The following INTS8 variants were observed in gnomAD, a reference collection of about 807,000 sequenced individuals.
The protein encoded by INTS8 is integrator complex subunit 8, also known as protein kaonashi-1.
A neutral mutation model predicts 138.9 loss-of-function variants in INTS8; 47 were observed. That is an observed-to-expected ratio of 0.34 (90% CI 0.27 to 0.43). INTS8 has a LOEUF of 0.43. Ranked by LOEUF, INTS8 falls within the 20% of genes least tolerant of loss-of-function variation. INTS8 has a pLI of 1.00. For synonymous variants in INTS8, 392 were observed against 400.9 expected (o/e 0.98, Z 0.27); for missense variants, 996 against 1,173.0 (o/e 0.85, Z 2.20).
chr8:94,846,930 G>A (rs1159074335), intron 10 of INTS8, among the ~76,000 whole-genome samples: 1 of 152,178 alleles, frequency 6.6e-6, no homozygotes, highest in African/African-American at 2.4e-5. Flanking sequence ...TGCATGTCTG[G>A]AATAGACCCA....
Position 94,827,253 on chromosome 8 carries a change from C to T in INTS8, c.306-10C>T, listed in dbSNP as rs760223689. On this transcript the variant is annotated splice_polypyrimidine_tract_variant and intron_variant, in intron 2 of 26. Coordinates refer to ENST00000523731, the MANE Select transcript of INTS8 (RefSeq NM_017864.4). ...TTAATGTGCAAACATGTACGTTTTG[C>T]TTCTTCAAGTTTGTCTGTTCCAGTA... 2.5e-6 allele frequency: 4 copies of T among 1,610,994 alleles called. No homozygotes were observed. The highest frequency in any genetic ancestry group is 1.7e-4 in the Middle Eastern group (1 of 6,058).
At chr8:94,862,673 T>G (rs1201573977) in intron 16 of INTS8, among the ~76,000 whole-genome samples, 1 of 152,212 alleles carries the variant, frequency 6.6e-6, no homozygotes, top group Non-Finnish European at 1.5e-5. Context: ...AGATGTCTCT[T>G]CATATGTCAT....
At chr8:94,825,110 GATATCTTGGTTTATTTCTAT>G (rs762257751) in intron 2 of INTS8, 43 bp downstream of exon 2, 2 of 1,344,750 alleles carry the variant, frequency 1.5e-6, no homozygotes, top group South Asian at 2.4e-5. Context: ...GTGCTATTTA[GATATCTTGGTTTATTTCTAT>G]ATATGCTTTT....
chr8:94,843,601 G>A (rs1203821471), intron 10 of INTS8, among the ~76,000 whole-genome samples: 1 of 151,828 alleles, frequency 6.6e-6, no homozygotes, highest in African/African-American at 2.4e-5. Flanking sequence ...TATGGACCAC[G>A]CCACAATTTC....
chr8:94,850,152 C>A, intron 12 of INTS8, 61 bp downstream of exon 12: 1 of 1,122,314 alleles, frequency 8.9e-7, no homozygotes, highest in Admixed American at 2.4e-5. Context: ...TTCAAATTAA[C>A]CTTGAAATAT....
rs748673877 is a variant in INTS8 at position 94,871,856 on chromosome 8, G to A, written c.2415-28G>A. On this transcript the variant is annotated intron_variant, in intron 20 of 26. Transcript: ENST00000523731. ...ATTTAAAGTTGACTTTTAAAATAGA[G>A]ATTAATGTTGTGTGTCTTTCCTTTT... 3.4e-6 allele frequency: 4 copies of A among 1,189,450 alleles called. No individual in the cohort carries two copies. The South Asian group carries it at 3.8e-5, about 11-fold the overall frequency. 73.7% of individuals were successfully genotyped at this position (1,189,450 alleles called of 1,614,324 possible). A position where few individuals can be genotyped will look rare whatever the true frequency, so the allele number is the denominator to read the frequency against.
chr8:94,866,844 T>C (rs1032308675), intron 18 of INTS8: 1 of 304,900 alleles, frequency 3.3e-6, no homozygotes, highest in African/African-American at 2.2e-5. Flanking sequence ...CTTTGAACAT[T>C]ATTTTAAGGG....
intron 6 of INTS8, among the ~76,000 whole-genome samples, chr8:94,834,737 G>T (rs1039426229): frequency 6.6e-6 from 1 of 151,570 alleles, no homozygotes; most frequent in Non-Finnish European, 1.5e-5. Context: ...CAAACATGTA[G>T]TGTGGACTAA....
At chr8:94,851,359 A>G (rs952993824) in intron 12 of INTS8, among the ~76,000 whole-genome samples, 194 bp from the exon 13 acceptor site, 3 of 152,318 alleles carry the variant, frequency 2.0e-5, no homozygotes, top group African/African-American at 7.2e-5. Flanking sequence ...AAATGTAGAT[A>G]TAGTAAAATT....
Position 94,873,442 on chromosome 8 carries a change from A to C in INTS8, c.2602A>C (p.Asn868His). The change falls in exon 22 of 27, where the codon AAC (asparagine) becomes CAC (histidine). Residue 868 changes from asparagine to histidine, a missense_variant. Physicochemically the swap from Asn to His is moderately conservative, Grantham distance 68 (BLOSUM62 1). Transcript: ENST00000523731. ...QAGAVCSDFF[N>H]KAVPPDVYTD... ...AGGAGCTGTGTGTTCTGACTTCTTT[A>C]ACAAGGCTGTGCCCCCTGATGTTTA... 1 of 1,613,922 alleles carries C rather than the reference A, an allele frequency of 6.2e-7. No homozygotes were observed.
intron 20 of INTS8, chr8:94,868,680 C>CT (rs113269280): frequency 0.19 from 28,030 of 151,096 alleles, 2,705 homozygotes; most frequent in Middle Eastern, 0.28. Flanking sequence ...CTTTTCTTTT[C>CT]TTTTTTTTTA....
At chr8:94,876,796 C>T (rs1026616428) in intron 26 of INTS8, 32 of 233,104 alleles carry the variant, frequency 1.4e-4, no homozygotes, top group African/African-American at 5.4e-4. Flanking sequence ...CTAGCCTGTC[C>T]GTCTGACTTT....
intron 24 of INTS8, 25 bp downstream of exon 24, chr8:94,876,172 T>C: frequency 6.2e-7 from 1 of 1,603,282 alleles, no homozygotes; most frequent in East Asian, 2.2e-5. Context: ...TTAAAAATAA[T>C]GAGGTCAACA....
intron 1 of INTS8, among the ~76,000 whole-genome samples, 200 bp downstream of exon 1, chr8:94,823,761 C>CGAGAG (rs948864174): frequency 2.6e-5 from 4 of 152,256 alleles, no homozygotes; most frequent in Non-Finnish European, 5.9e-5. Context: ...CAAAGGCTCT[C>CGAGAG]CTACCCCCGG....
At chr8:94,826,507 A>G (rs1048822546) in intron 2 of INTS8, among the ~76,000 whole-genome samples, 26 of 152,250 alleles carry the variant, frequency 1.7e-4, no homozygotes, top group African/African-American at 5.5e-4. Flanking sequence ...ACAGATAGCA[A>G]TGGGTACAAA....
chr8:94,869,900 T>G (rs1388081953), intron 20 of INTS8, among the ~76,000 whole-genome samples: 2 of 152,206 alleles, frequency 1.3e-5, no homozygotes, highest in African/African-American at 4.8e-5. Flanking sequence ...TTGTTTACCC[T>G]AGGGGCTCTG....
chr8:94,877,680 A>G (rs904351432), intron 26 of INTS8, among the ~76,000 whole-genome samples: 22 of 152,126 alleles, frequency 1.4e-4, no homozygotes, highest in Admixed American at 6.6e-5. Flanking sequence ...CCAGCCTCAC[A>G]TCTATGAGGT....
At chr8:94,839,968 A>G (rs562641670) in intron 8 of INTS8, among the ~76,000 whole-genome samples, 3 of 152,252 alleles carry the variant, frequency 2.0e-5, no homozygotes, top group African/African-American at 4.8e-5. Flanking sequence ...GACCTTAGGA[A>G]TATCACCCAG....
At chr8:94,842,016 C>T (rs1217043533) in intron 9 of INTS8, among the ~76,000 whole-genome samples, 3 of 151,624 alleles carry the variant, frequency 2.0e-5, no homozygotes. Flanking sequence ...TTGCAGTGAG[C>T]CGAGATTGCA....
Sources: allele counts gnomAD v4.1 joint callset (sites outside exome capture counted in the v4.1 genomes callset), GRCh38; gene constraint gnomAD v4.1.1; transcripts MANE v1.5; gene names NCBI Gene and HGNC (gene_info 2026-07-23, HGNC 2026-07-21).